The following ID1 variants were observed in gnomAD, a reference collection of about 807,000 sequenced individuals.
ID1 encodes the protein DNA-binding protein inhibitor ID-1.
Under a neutral mutation model 11.3 loss-of-function variants are expected in ID1, and 8 were observed. The observed-to-expected ratio is 0.71, with a 90% CI of 0.42 to 1.28. The LOEUF (loss-of-function observed/expected upper bound fraction) is 1.28. ID1 is among the 50% of genes most tolerant of loss of function. ID1 has a pLI of 0.01. For synonymous variants in ID1, 176 were observed against 100.2 expected (o/e 1.76, Z -4.52); for missense variants, 347 against 219.8 (o/e 1.58, Z -3.66).
intron 1 of ID1, 33 bp downstream of exon 1, chr20:31,605,846 T>C (rs926018867): frequency 6.2e-7 from 1 of 1,602,170 alleles, no homozygotes. Flanking sequence ...AGATCATCCT[T>C]ATACCGACGG....
chr20:31,605,295 C>A lies in ID1; in HGVS notation c.-93C>A. On this transcript the variant is annotated 5_prime_UTR_variant, in exon 1 of 2. Transcript: ENST00000376112. ...GCTGTGGCTCCGCACTCTCATTCCA[C>A]GTTCTTAACTGTTCCATTTTCCGTA... The A allele has an allele frequency of 2.5e-6, 3 of 1,199,244 alleles. No individual in the cohort carries two copies. The highest frequency in any genetic ancestry group is 3.5e-6 in the Non-Finnish European group (3 of 861,812). The allele number at this position is 1,199,244 out of a possible 1,614,324, so 74.3% of individuals were successfully genotyped here. A position where few individuals can be genotyped will look rare whatever the true frequency, so the allele number is the denominator to read the frequency against.
In ID1 at chr20:31,606,138, C is replaced by T; in HGVS notation, c.*44C>T. ...CGGCGGACCCCAGCCATCCAGGGGG[C>T]AAGAGGAATTACGTGCTCTGTGGGT... On this transcript the variant is annotated 3_prime_UTR_variant, in exon 2 of 2. Coordinates refer to ENST00000376112, the MANE Select transcript of ID1 (RefSeq NM_002165.4). 1 of 1,580,464 alleles carries T rather than the reference C, an allele frequency of 6.3e-7. No homozygotes were observed. Among genetic ancestry groups the T allele is most frequent in the Non-Finnish European group, 8.7e-7 (1 of 1,154,420 alleles).
Position 31,605,334 on chromosome 20 carries a change from T to C in ID1, c.-54T>C. On this transcript the variant is annotated 5_prime_UTR_variant, in exon 1 of 2. Transcript: ENST00000376112. Reference sequence around the variant, plus strand: ...CCATTTTCCGTATCTGCTTCGGGCTTCCACCTCATTTTTTTCGCTTTGCCC... The same window carrying C: ...CCATTTTCCGTATCTGCTTCGGGCTCCCACCTCATTTTTTTCGCTTTGCCC... 6.6e-7 allele frequency: 1 copy of C among 1,509,890 alleles called. No individual in the cohort carries two copies. The highest frequency in any genetic ancestry group is 8.9e-7 in the Non-Finnish European group (1 of 1,117,764). 93.5% of individuals were successfully genotyped at this position (1,509,890 alleles called of 1,614,324 possible). A position where few individuals can be genotyped will look rare whatever the true frequency, so the allele number is the denominator to read the frequency against.
chr20:31,605,743 G>C lies in ID1; in HGVS notation c.356G>C (p.Gly119Ala). ...TCGGAATCCGAAGTTGGAACCCCCG[G>C]GGGCCGAGGGCTGCCGGTCCGGGCT... ...LNSESEVGTP[G>A]GRGLPVRAPL... The change falls in exon 1 of 2, where the codon GGG becomes GCG. Residue 119 changes from glycine (G) to alanine (A), a missense_variant. Physicochemically the swap from Gly to Ala is moderately conservative, Grantham distance 60. Coordinates refer to ENST00000376112, the MANE Select transcript of ID1 (RefSeq NM_002165.4). 1 of 1,610,580 alleles carries C rather than the reference G, an allele frequency of 6.2e-7. No individual in the cohort carries two copies. The highest frequency in any genetic ancestry group is 1.1e-5 in the South Asian group (1 of 90,606).
intron 1 of ID1, 106 bp downstream of exon 1, chr20:31,605,919 C>G (rs1290246101): frequency 5.7e-6 from 9 of 1,583,472 alleles, no homozygotes; most frequent in Non-Finnish European, 7.7e-6. Flanking sequence ...TTGCGGGTAC[C>G]TGGCTATGCG....
Position 31,605,310 on chromosome 20 carries a change from C to A in ID1, c.-78C>A, listed in dbSNP as rs1168546419. On this transcript the variant is annotated 5_prime_UTR_variant, in exon 1 of 2. Transcript: ENST00000376112. ...TCTCATTCCACGTTCTTAACTGTTCCATTTTCCGTATCTGCTTCGGGCTTC... is the reference window on the plus strand; with the variant it reads ...TCTCATTCCACGTTCTTAACTGTTCAATTTTCCGTATCTGCTTCGGGCTTC... The A allele has an allele frequency of 1.5e-6, 2 of 1,350,120 alleles. No individual in the cohort carries two copies. The highest frequency in any genetic ancestry group is 1.5e-5 in the African/African-American group (1 of 67,086). 83.6% of individuals were successfully genotyped at this position (1,350,120 alleles called of 1,614,324 possible). A position where few individuals can be genotyped will look rare whatever the true frequency, so the allele number is the denominator to read the frequency against.
In ID1 at chr20:31,605,300, T is replaced by TTAACTGTTCC; in HGVS notation, c.-87_-78dup. ...GGCTCCGCACTCTCATTCCACGTTC[T>TTAACTGTTCC]TAACTGTTCCATTTTCCGTATCTGC... On this transcript the variant is annotated 5_prime_UTR_variant, in exon 1 of 2. Coordinates refer to ENST00000376112, the MANE Select transcript of ID1 (RefSeq NM_002165.4). 7.9e-7 allele frequency: 1 copy of TTAACTGTTCC among 1,270,826 alleles called. No individual in the cohort carries two copies. Among genetic ancestry groups the TTAACTGTTCC allele is most frequent in the Admixed American group, 2.1e-5 (1 of 48,136 alleles). 78.7% of individuals were successfully genotyped at this position (1,270,826 alleles called of 1,614,324 possible).
intron 1 of ID1, 72 bp from the exon 2 acceptor site, chr20:31,605,981 A>T: frequency 6.2e-7 from 1 of 1,610,842 alleles, no homozygotes. Flanking sequence ...CTTCCTGGGG[A>T]AGGGGGCGTT....
chr20:31,605,998 G>A, intron 1 of ID1, 55 bp from the exon 2 acceptor site: 1 of 1,610,320 alleles, frequency 6.2e-7, no homozygotes, highest in Non-Finnish European at 8.5e-7. Flanking sequence ...CGTTCGCTGC[G>A]CTCGGAGCGG....
chr20:31,606,171 A>C lies in ID1; in HGVS notation c.*77A>C, dbSNP rs570073683. The C allele has an allele frequency of 2.7e-6, 4 of 1,456,054 alleles. No individual in the cohort carries two copies. The Admixed American group carries it at 5.2e-5, about 19-fold the overall frequency. 90.2% of individuals were successfully genotyped at this position (1,456,054 alleles called of 1,614,324 possible). The stretch of plus-strand genomic sequence containing the variant: ...ATTACGTGCTCTGTGGGTCTCCCCC[A>C]ACGCGCCTCGCCGGATCTGAGGGAG... On this transcript the variant is annotated 3_prime_UTR_variant, in exon 2 of 2. Transcript: ENST00000376112.
chr20:31,606,005 G>A (rs1986093660), intron 1 of ID1, 48 bp from the exon 2 acceptor site: 6 of 1,609,892 alleles, frequency 3.7e-6, no homozygotes, highest in Non-Finnish European at 5.1e-6. Flanking sequence ...TGCGCTCGGA[G>A]CGGCGTCCCT....
chr20:31,606,212 C>G lies in ID1; in HGVS notation c.*118C>G. The G allele has an allele frequency of 9.3e-7, 1 of 1,079,476 alleles. No individual in the cohort carries two copies. The highest frequency in any genetic ancestry group is 1.3e-5 in the South Asian group (1 of 74,180). The allele number at this position is 1,079,476 out of a possible 1,614,324, so 66.9% of individuals were successfully genotyped here. On this transcript the variant is annotated 3_prime_UTR_variant, in exon 2 of 2. Transcript: ENST00000376112. ...TCTGAGGGAGAACAAGACCGATCGG[C>G]GGCCACTGCGCCCTTAACTGCATCC...
chr20:31,605,850 C>G (rs774582993), intron 1 of ID1, 37 bp downstream of exon 1: 2 of 1,601,014 alleles, frequency 1.2e-6, no homozygotes, highest in South Asian at 2.2e-5. Flanking sequence ...CATCCTTATA[C>G]CGACGGGGAA....
In ID1 at chr20:31,605,538, G is replaced by A. The variant is rs573331186; in HGVS notation, c.151G>A (p.Ala51Thr). The change falls in exon 1 of 2, where the codon GCG becomes ACG. Residue 51 changes from alanine to threonine, a missense_variant. Transcript: ENST00000376112. ...CTCGCGCTGCGCCGGGGGCGCCGGG[G>A]CGCGCCTGCCTGCCCTGCTGGACGA... is the stretch of plus-strand genomic sequence containing the variant. ...AISRCAGGAG[A>T]RLPALLDEQQ... The A allele has an allele frequency of 5.8e-6, 9 of 1,557,996 alleles. No homozygotes were observed. In the Admixed American group the frequency reaches 9.7e-5, roughly 17 times the overall value.
At position 31,606,285 on chromosome 20, in the gene ID1, C is replaced by G. The variant is rs1177012745; in HGVS notation, c.*191C>G. On this transcript the variant is annotated 3_prime_UTR_variant, in exon 2 of 2. Transcript: ENST00000376112. ...ACTGGCGAGGAGAGGGCGCTCCTCT[C>G]TGCACACCTACTAGTCACCAGAGAC... The G allele has an allele frequency of 1.1e-5, 7 of 622,134 alleles. No homozygotes were observed. The highest frequency in any genetic ancestry group is 1.5e-5 in the Non-Finnish European group (5 of 342,382). 38.5% of individuals were successfully genotyped at this position (622,134 alleles called of 1,614,324 possible). A position where few individuals can be genotyped will look rare whatever the true frequency, so the allele number is the denominator to read the frequency against.
chr20:31,605,555 G>C lies in ID1; in HGVS notation c.168G>C (p.Leu56=), dbSNP rs1362659050. The C allele has an allele frequency of 2.6e-6, 4 of 1,558,340 alleles. No individual in the cohort carries two copies. Among genetic ancestry groups the C allele is most frequent in the Non-Finnish European group, 1.7e-6 (2 of 1,149,562 alleles). ...AGGAGARLPA[L]LDEQQVNVLL... is the part of the protein sequence containing the mutation. Reference sequence around the variant, plus strand: ...GCGCCGGGGCGCGCCTGCCTGCCCTGCTGGACGAGCAGCAGGTAAACGTGC... The same window carrying C: ...GCGCCGGGGCGCGCCTGCCTGCCCTCCTGGACGAGCAGCAGGTAAACGTGC... The change falls in exon 1 of 2, where the codon CTG becomes CTC. Residue 56 remains leucine (L), a synonymous_variant. Coordinates refer to ENST00000376112, the MANE Select transcript of ID1 (RefSeq NM_002165.4).
At position 31,605,455 on chromosome 20, in the gene ID1, A is replaced by G; in HGVS notation, c.68A>G (p.Lys23Arg). 1 of 1,609,284 alleles carries G rather than the reference A, an allele frequency of 6.2e-7. No homozygotes were observed. The highest frequency in any genetic ancestry group is 8.5e-7 in the Non-Finnish European group (1 of 1,178,350). Residue 23 changes from lysine (K) to arginine (R), a missense_variant, in exon 1 of 2, where the codon AAG (lysine) becomes AGG (arginine). Lys to Arg is a conservative substitution (Grantham distance 26). Transcript: ENST00000376112. The stretch of plus-strand genomic sequence containing the variant: ...CCCAGCTGCGCGCTGAAGGCCGGCA[A>G]GACAGCGAGCGGTGCGGGCGAGGTG... ...AGPSCALKAG[K>R]TASGAGEVVR...
chr20:31,605,397 G>A lies in ID1; in HGVS notation c.10G>A (p.Ala4Thr), dbSNP rs182605830. 8.8e-6 allele frequency: 14 copies of A among 1,599,826 alleles called. No individual in the cohort carries two copies. The highest frequency in any genetic ancestry group is 1.1e-5 in the South Asian group (1 of 90,588). ...CCAGTCGCCAAGAATCATGAAAGTC[G>A]CCAGTGGCAGCACCGCCACCGCCGC... MKV[A>T]SGSTATAAAG... The change falls in exon 1 of 2, where the codon GCC becomes ACC. Residue 4 changes from alanine (A) to threonine (T), a missense_variant. Coordinates refer to ENST00000376112, the MANE Select transcript of ID1 (RefSeq NM_002165.4).
At position 31,605,615 on chromosome 20, in the gene ID1, C is replaced by T. The variant is rs763704921; in HGVS notation, c.228C>T (p.Leu76=). 2.1e-5 allele frequency: 34 copies of T among 1,581,756 alleles called. No homozygotes were observed. Among genetic ancestry groups the T allele is most frequent in the Admixed American group, 1.5e-4 (8 of 54,614 alleles). ...LYDMNGCYSR[L]KELVPTLPQN... ...ACATGAACGGCTGTTACTCACGCCT[C>T]AAGGAGCTGGTGCCCACCCTGCCCC... Residue 76 remains leucine (L), a synonymous_variant, in exon 1 of 2, where the codon CTC becomes CTT. Coordinates refer to ENST00000376112, the MANE Select transcript of ID1 (RefSeq NM_002165.4).
Sources: gnomAD v4.1 joint callset for allele counts on GRCh38, gnomAD v4.1.1 for gene constraint, MANE v1.5 for transcripts, NCBI Gene and HGNC (gene_info 2026-07-23, HGNC 2026-07-21) for gene names.